ADARB1: variants seen among roughly 807,000 people sequenced by gnomAD.
ADARB1 encodes adenosine deaminase RNA specific B1, also known as double-stranded RNA-specific editase 1.
ADARB1 carries 10 observed loss-of-function variants against 52.4 expected under a neutral mutation model. The observed-to-expected ratio is 0.19, with a 90% CI of 0.12 to 0.32. The LOEUF (loss-of-function observed/expected upper bound fraction) is 0.32. Ranked by LOEUF, ADARB1 falls within the 10% of genes least tolerant of loss-of-function variation. The pLI is 1.00. For missense variants in ADARB1, 643 were observed against 922.3 expected, an observed-to-expected ratio of 0.70 and a Z score of 3.92; for synonymous variants, 349 against 371.1, an observed-to-expected ratio of 0.94 and a Z score of 0.68.
intron 1 of ADARB1, among the ~76,000 whole-genome samples, chr21:45,099,356 C>T (rs572182072): frequency 6.6e-6 from 1 of 152,264 alleles, no homozygotes; most frequent in South Asian, 2.1e-4. Flanking sequence ...GCTCTGCAAG[C>T]CTTTTTAAAA....
chr21:45,116,805 C>T (rs2087852178), intron 1 of ADARB1: 1 of 152,218 alleles, frequency 6.6e-6, no homozygotes, highest in Admixed American at 6.5e-5. Flanking sequence ...CAATTACCTC[C>T]CACTGGGTCC....
chr21:45,204,103 C>T lies in ADARB1; in HGVS notation c.1566-452C>T, dbSNP rs748716976. 5.3e-5 allele frequency among the ~76,000 whole-genome samples: 8 copies of T among 152,142 alleles called. No homozygotes were observed. The South Asian group carries it at 1.0e-3, about 20-fold the overall frequency. On this transcript the variant is annotated intron_variant, in intron 8 of 10. Transcript: ENST00000348831. This position sits in a 1 kb window ranked among gnomAD's most constrained non-coding sequence, Gnocchi z 4.4. ...CATCCCGGGCTGGACAGCACAAGAT[C>T]GCACCACACTCCTCAGAACGGCATA...
rs1157267812 is a variant in ADARB1 at position 45,137,964 on chromosome 21, G to A, written c.-48+9391G>A. Among the ~76,000 whole-genome samples, 6 of 152,198 alleles carry A rather than the reference G, an allele frequency of 3.9e-5. No homozygotes were observed. In the East Asian group the frequency reaches 7.7e-4, roughly 20 times the overall value. The stretch of plus-strand genomic sequence containing the variant: ...GGGGGCAGGAAAAGGGCAGACCTGT[G>A]CTTAATTTCAATTTCTATGGGAGTG... On this transcript the variant is annotated intron_variant, in intron 2 of 10. Transcript: ENST00000348831.
rs888531830 is a variant in ADARB1 at position 45,176,937 on chromosome 21, C to T, written c.963+273C>T. On this transcript the variant is annotated intron_variant, in intron 4 of 10. Transcript: ENST00000348831. This position sits in a 1 kb window ranked among gnomAD's most constrained non-coding sequence, Gnocchi z 5.8. ...CCAGAGCAGTGTTTACAACACTATC[C>T]ATAACTCCCTTCCCGTTAGGCAACC... The T allele has an allele frequency of 5.1e-6, 2 of 391,102 alleles. No homozygotes were observed. The highest frequency in any genetic ancestry group is 2.5e-5 in the African/African-American group (1 of 39,808). 24.2% of individuals were successfully genotyped at this position (391,102 alleles called of 1,614,324 possible).
chr21:45,143,179 C>T (rs925559027), intron 2 of ADARB1, among the ~76,000 whole-genome samples: 14 of 152,202 alleles, frequency 9.2e-5, no homozygotes, highest in Non-Finnish European at 1.9e-4. Context: ...CTCTCCTAAC[C>T]TCCTGGCACT....
At chr21:45,112,077 C>T (rs901045805) in intron 1 of ADARB1, among the ~76,000 whole-genome samples, 2 of 152,174 alleles carry the variant, frequency 1.3e-5, no homozygotes, top group Non-Finnish European at 2.9e-5. Flanking sequence ...CATGGACCTG[C>T]TTACTAGTGA....
Position 45,225,429 on chromosome 21 carries a change from TCA to T in ADARB1, c.*3235_*3236del. 7.7e-7 allele frequency: 1 copy of T among 1,301,746 alleles called. No individual in the cohort carries two copies. Among genetic ancestry groups the T allele is most frequent in the Non-Finnish European group, 9.8e-7 (1 of 1,020,864 alleles). 80.6% of individuals were successfully genotyped at this position (1,301,746 alleles called of 1,614,324 possible). ...ATTTTAAAATGTGCAAGCCAGTATC[TCA>T]CAAGGCATGGATTTCTGTGGAATTT... On this transcript the variant is annotated 3_prime_UTR_variant, in exon 11 of 11. Coordinates refer to ENST00000348831, the MANE Select transcript of ADARB1 (RefSeq NM_001112.4).
chr21:45,110,545 G>A (rs915801365), intron 1 of ADARB1, among the ~76,000 whole-genome samples: 1 of 152,136 alleles, frequency 6.6e-6, no homozygotes, highest in African/African-American at 2.4e-5. Context: ...TGACAATGAT[G>A]TATTTTAATT....
intron 8 of ADARB1, among the ~76,000 whole-genome samples, chr21:45,195,898 C>G (rs952313754): frequency 6.6e-6 from 1 of 152,136 alleles, no homozygotes; most frequent in African/African-American, 2.4e-5. Flanking sequence ...CTGGATTTCC[C>G]TTTTTATATC....
At position 45,223,335 on chromosome 21, in the gene ADARB1, C is replaced by G. The variant is rs1172550002; in HGVS notation, c.*1138C>G. 5 of 985,366 alleles carry G rather than the reference C, an allele frequency of 5.1e-6. No individual in the cohort carries two copies. Among genetic ancestry groups the G allele is most frequent in the Non-Finnish European group, 4.8e-6 (4 of 829,958 alleles). 61.0% of individuals were successfully genotyped at this position (985,366 alleles called of 1,614,324 possible). A position where few individuals can be genotyped will look rare whatever the true frequency, so the allele number is the denominator to read the frequency against. On this transcript the variant is annotated 3_prime_UTR_variant, in exon 11 of 11. Transcript: ENST00000348831. The stretch of plus-strand genomic sequence containing the variant: ...TGGCGTAGTGTAGGCCAGACATTGA[C>G]AGTCCTGACGGGAGCTCAGGGCTGC...
At chr21:45,161,318 A>G (rs377524) in intron 2 of ADARB1, among the ~76,000 whole-genome samples, 97,233 of 152,140 alleles carry the variant, frequency 0.64, 31,373 homozygotes, top group African/African-American at 0.74. Context: ...TGCACTCACC[A>G]GGGCCCAGGA....
chr21:45,079,814 G>T (rs2086084168), intron 1 of ADARB1, among the ~76,000 whole-genome samples: 5 of 152,196 alleles, frequency 3.3e-5, no homozygotes, highest in Admixed American at 2.0e-4. Flanking sequence ...TCAGGTTCAA[G>T]AAGAGGTTGG....
At chr21:45,164,698 A>G (rs1208405060) in intron 2 of ADARB1, among the ~76,000 whole-genome samples, 1 of 152,126 alleles carries the variant, frequency 6.6e-6, no homozygotes, top group Non-Finnish European at 1.5e-5. Context: ...CGATGAGCAC[A>G]TGGGCATGTG....
Position 45,157,617 on chromosome 21 carries a change from A to G in ADARB1, c.-47-13993A>G, listed in dbSNP as rs2090732699. On this transcript the variant is annotated intron_variant, in intron 2 of 10. Coordinates refer to ENST00000348831, the MANE Select transcript of ADARB1 (RefSeq NM_001112.4). This position sits in a 1 kb window ranked among gnomAD's most constrained non-coding sequence, Gnocchi z 4.1. ...TTCTAAAGCTTGCCATTGCTTAGGC[A>G]TGCCTGACTGAGGCGGGAAACAAGC... Among the ~76,000 whole-genome samples, 1 of 152,314 alleles carries G rather than the reference A, an allele frequency of 6.6e-6. No homozygotes were observed. The highest frequency in any genetic ancestry group is 2.4e-5 in the African/African-American group (1 of 41,574).
intron 8 of ADARB1, among the ~76,000 whole-genome samples, chr21:45,186,599 T>C (rs2092116017): frequency 6.6e-6 from 1 of 152,260 alleles, no homozygotes; most frequent in Non-Finnish European, 1.5e-5. Flanking sequence ...TATTTCTCTT[T>C]ATCACTAGGA....
At position 45,176,175 on chromosome 21, in the gene ADARB1, C is replaced by G; in HGVS notation, c.474C>G (p.Thr158=). The part of the protein sequence containing the change: ...ASEAHLAMGR[T]LSVNTDFTSD... ...AGGCCCACCTGGCCATGGGGAGGAC[C>G]CTGTCTGTCAACACGGACTTCACAT... is the stretch of plus-strand genomic sequence containing the variant. Residue 158 remains threonine, a synonymous_variant, in exon 4 of 11, where the codon ACC becomes ACG. Coordinates refer to ENST00000348831, the MANE Select transcript of ADARB1 (RefSeq NM_001112.4). The surrounding 1 kb of genome is among the most constrained non-coding windows in gnomAD (Gnocchi z 5.8). The G allele has an allele frequency of 6.2e-7, 1 of 1,614,176 alleles. No individual in the cohort carries two copies. The highest frequency in any genetic ancestry group is 8.5e-7 in the Non-Finnish European group (1 of 1,180,040).
intron 8 of ADARB1, among the ~76,000 whole-genome samples, chr21:45,203,459 C>G (rs1003898331): frequency 9.2e-5 from 14 of 152,194 alleles, no homozygotes; most frequent in Non-Finnish European, 1.9e-4. Context: ...TGAGCTGTAT[C>G]TCCCCCCAGG....
rs1238144223 is a variant in ADARB1, at chr21:45,128,140, C to T, written c.-219-262C>T. On this transcript the variant is annotated intron_variant, in intron 1 of 10. Coordinates refer to ENST00000348831, the MANE Select transcript of ADARB1 (RefSeq NM_001112.4). This position sits in a 1 kb window ranked among gnomAD's most constrained non-coding sequence, Gnocchi z 4.6. ...AGTGTGTGGCCTGGTGCCGCTGATGCCGAGATGTTGGGCTGGCAGCGATCT... is the reference window on the plus strand; with the variant it reads ...AGTGTGTGGCCTGGTGCCGCTGATGTCGAGATGTTGGGCTGGCAGCGATCT... Among the ~76,000 whole-genome samples the T allele has an allele frequency of 6.6e-6, 1 of 152,206 alleles. No homozygotes were observed. The highest frequency in any genetic ancestry group is 1.5e-5 in the Non-Finnish European group (1 of 68,034).
intron 2 of ADARB1, among the ~76,000 whole-genome samples, chr21:45,143,213 C>A (rs2089824329): frequency 6.6e-6 from 1 of 152,174 alleles, no homozygotes; most frequent in Non-Finnish European, 1.5e-5. Context: ...AGGAATTGCA[C>A]CCAGCATCAC....
Sources: allele counts gnomAD v4.1 joint callset (sites outside exome capture counted in the v4.1 genomes callset), GRCh38; gene constraint gnomAD v4.1.1; non-coding constraint Gnocchi (gnomAD v3.1); transcripts MANE v1.5; gene names NCBI Gene and HGNC (gene_info 2026-07-23, HGNC 2026-07-21).